Variants in RARB observed in about 807,000 individuals in gnomAD.
RARB encodes the protein retinoic acid receptor beta, also known as HBV-activated protein.
In RARB, 17 loss-of-function variants were observed where a neutral mutation model predicts 51.9. The ratio of observed to expected loss-of-function variants is 0.33; its 90% CI spans 0.22 to 0.49. The LOEUF (loss-of-function observed/expected upper bound fraction) is 0.49. Ranked by LOEUF, RARB falls within the 20% of genes least tolerant of loss-of-function variation. RARB has a pLI of 0.99. For synonymous variants in RARB, 215 were observed against 195.4 expected (o/e 1.10, Z -0.84); for missense variants, 369 against 550.8 (o/e 0.67, Z 3.30).
rs183155666 is a variant in RARB, at chr3:24,995,122, C to T, written c.-379-65003C>T. ...AATACTGATTCTTCCAATTCATGAA[C>T]GTGAGATGTTTTTCCATTTGTTTAT... On this transcript the variant is annotated intron_variant, in intron 2 of 11. Coordinates refer to the RARB transcript ENST00000383772. 2.5e-4 allele frequency among the ~76,000 whole-genome samples: 38 copies of T among 152,100 alleles called. No homozygotes were observed. The East Asian group carries it at 5.4e-3, about 22-fold the overall frequency.
At chr3:25,411,851 G>T (rs552645192) in intron 5 of RARB, among the ~76,000 whole-genome samples, 19 of 152,312 alleles carry the variant, frequency 1.2e-4, no homozygotes, top group Non-Finnish European at 2.2e-4. Flanking sequence ...GTCAAAAGAT[G>T]CAGGGACAAC....
intron 2 of RARB, among the ~76,000 whole-genome samples, chr3:24,900,686 A>G (rs183297855): frequency 3.7e-4 from 57 of 152,324 alleles, no homozygotes; most frequent in African/African-American, 1.3e-3. Flanking sequence ...CTATTTTTCT[A>G]AAGATGGGAT....
intron 2 of RARB, among the ~76,000 whole-genome samples, chr3:25,028,091 T>G (rs570318546): frequency 6.6e-6 from 1 of 152,310 alleles, no homozygotes; most frequent in South Asian, 2.1e-4. Context: ...CATAACATGT[T>G]GGTCACCCCC....
intron 5 of RARB, among the ~76,000 whole-genome samples, chr3:25,284,610 A>G (rs1221893314): frequency 2.0e-5 from 3 of 152,184 alleles, no homozygotes; most frequent in East Asian, 3.9e-4. Context: ...TCAGCAACCC[A>G]TAAATCCCTG....
chr3:25,516,336 A>G (rs1250942241), intron 3 of RARB, among the ~76,000 whole-genome samples: 1 of 152,234 alleles, frequency 6.6e-6, no homozygotes, highest in East Asian at 1.9e-4. Context: ...TAGTGGCAGT[A>G]TGTTCCTTTT....
intron 2 of RARB, among the ~76,000 whole-genome samples, chr3:25,032,819 TA>T (rs1443623327): frequency 1.3e-5 from 2 of 152,344 alleles, no homozygotes; most frequent in Non-Finnish European, 2.9e-5. Context: ...CAAATGTATT[TA>T]TAAAAGTTCA....
At chr3:25,442,291 A>G (rs1708730407) in intron 1 of RARB, among the ~76,000 whole-genome samples, 1 of 151,950 alleles carries the variant, frequency 6.6e-6, no homozygotes, top group African/African-American at 2.4e-5. Flanking sequence ...GCGCGCTACC[A>G]CGCCCAGCTA....
intron 4 of RARB, among the ~76,000 whole-genome samples, chr3:25,156,700 T>C (rs1001583405): frequency 5.3e-5 from 8 of 152,308 alleles, no homozygotes; most frequent in African/African-American, 1.9e-4. Context: ...CCAGTATTTT[T>C]GAGTCCTTCT....
intron 2 of RARB, among the ~76,000 whole-genome samples, chr3:24,997,535 ATT>A (rs1248303690): frequency 1.3e-5 from 2 of 151,540 alleles, no homozygotes; most frequent in Admixed American, 6.6e-5. Flanking sequence ...CTTATTGTTT[ATT>A]TTTGCAGTTG....
At chr3:25,085,334 G>T (rs903464783) in intron 3 of RARB, among the ~76,000 whole-genome samples, 1 of 152,116 alleles carries the variant, frequency 6.6e-6, no homozygotes, top group Non-Finnish European at 1.5e-5. Context: ...TGTTTTAGGG[G>T]TTCTTTTTAA....
At chr3:24,886,890 A>C (rs1222482808) in intron 2 of RARB, among the ~76,000 whole-genome samples, 1 of 152,202 alleles carries the variant, frequency 6.6e-6, no homozygotes, top group Non-Finnish European at 1.5e-5. Flanking sequence ...CAATGTATAG[A>C]CCATGTGTCT....
At chr3:25,543,910 C>T (rs1699497283) in intron 3 of RARB, among the ~76,000 whole-genome samples, 2 of 152,156 alleles carry the variant, frequency 1.3e-5, no homozygotes, top group Admixed American at 6.5e-5. Context: ...TTGAAAAATC[C>T]TTTATAATCC....
At chr3:24,895,839 C>A (rs986293931) in intron 2 of RARB, among the ~76,000 whole-genome samples, 1 of 152,226 alleles carries the variant, frequency 6.6e-6, no homozygotes, top group Middle Eastern at 3.4e-3. Flanking sequence ...CATAGAATAA[C>A]GTCCAGCACT....
intron 3 of RARB, among the ~76,000 whole-genome samples, chr3:25,064,488 G>C (rs181217681): frequency 1.3e-5 from 2 of 152,046 alleles, no homozygotes; most frequent in African/African-American, 4.8e-5. Flanking sequence ...CTCCTGCTTA[G>C]TGCTCACTGA....
chr3:25,127,903 T>G (rs1403533050), intron 3 of RARB, among the ~76,000 whole-genome samples: 2 of 152,142 alleles, frequency 1.3e-5, no homozygotes, highest in South Asian at 2.1e-4. Context: ...CCATTAAGTT[T>G]CATTTTGAAA....
At chr3:25,085,637 A>G (rs1331403375) in intron 3 of RARB, among the ~76,000 whole-genome samples, 3 of 152,148 alleles carry the variant, frequency 2.0e-5, no homozygotes, top group Non-Finnish European at 4.4e-5. Context: ...AAATATTGCA[A>G]TATTTATAAA....
chr3:25,346,734 C>A (rs553890033), intron 5 of RARB, among the ~76,000 whole-genome samples: 1 of 152,278 alleles, frequency 6.6e-6, no homozygotes, highest in East Asian at 1.9e-4. Flanking sequence ...TTTGAGGCCC[C>A]CTACAAGACT....
At chr3:25,180,795 G>C (rs2125357127) in intron 5 of RARB, among the ~76,000 whole-genome samples, 1 of 152,306 alleles carries the variant, frequency 6.6e-6, no homozygotes, top group Admixed American at 6.5e-5. Context: ...GAGGGAGAGA[G>C]AGAAAGAATG....
chr3:25,132,104 A>C (rs1195271687), intron 3 of RARB, among the ~76,000 whole-genome samples: 1 of 151,936 alleles, frequency 6.6e-6, no homozygotes. Context: ...AAAAGTTTAC[A>C]AGTGAAAAGA....
Sources: allele counts gnomAD v4.1 joint callset (sites outside exome capture counted in the v4.1 genomes callset), GRCh38; gene constraint gnomAD v4.1.1; transcripts MANE v1.5; gene names NCBI Gene and HGNC (gene_info 2026-07-23, HGNC 2026-07-21).